ARHGAP31: variants seen among roughly 807,000 people sequenced by gnomAD.
ARHGAP31 encodes Rho GTPase activating protein 31.
Under a neutral mutation model 113.9 loss-of-function variants are expected in ARHGAP31, and 34 were observed. That is an observed-to-expected ratio of 0.30 (90% CI 0.23 to 0.40). The LOEUF is 0.40. Among genes scored for constraint, ARHGAP31 ranks in the 10% least tolerant of loss-of-function variants. The probability of loss-of-function intolerance (pLI) is 1.00; values close to 1 mark genes in which losing one functional copy is unlikely to be tolerated. For synonymous variants in ARHGAP31, 650 were observed against 684.8 expected (o/e 0.95, Z 0.79); for missense variants, 1,548 against 1,767.1 (o/e 0.88, Z 2.22).
chr3:119,326,722 A>G (rs2089724766), intron 1 of ARHGAP31, among the ~76,000 whole-genome samples: 4 of 152,236 alleles, frequency 2.6e-5, no homozygotes, highest in Non-Finnish European at 5.9e-5. Context: ...TTTGCCACAC[A>G]TGATGCTAAG....
chr3:119,311,075 G>A (rs181854033), intron 1 of ARHGAP31, among the ~76,000 whole-genome samples: 74 of 152,218 alleles, frequency 4.9e-4, no homozygotes, highest in Non-Finnish European at 5.0e-4. Flanking sequence ...TCCCCATCAC[G>A]CCTGTCCGTT....
At chr3:119,382,971 T>A (rs2080414911) in intron 5 of ARHGAP31, 113 bp from the exon 6 acceptor site, 1 of 1,333,204 alleles carries the variant, frequency 7.5e-7, no homozygotes, top group Non-Finnish European at 1.1e-6. Flanking sequence ...AAATATTCTA[T>A]GAACTGTATC....
intron 1 of ARHGAP31, among the ~76,000 whole-genome samples, chr3:119,336,350 A>T (rs2079946972): frequency 6.6e-6 from 1 of 152,274 alleles, no homozygotes; most frequent in South Asian, 2.1e-4. Flanking sequence ...TTCTCTACAT[A>T]TAAGCAATTT....
chr3:119,320,517 T>G (rs1343427388), intron 1 of ARHGAP31, among the ~76,000 whole-genome samples: 1 of 152,204 alleles, frequency 6.6e-6, no homozygotes, highest in Non-Finnish European at 1.5e-5. Context: ...ATTATCCTGA[T>G]AAATACAGTA....
intron 1 of ARHGAP31, among the ~76,000 whole-genome samples, chr3:119,318,019 T>C (rs773829169): frequency 7.2e-5 from 11 of 151,956 alleles, no homozygotes; most frequent in Non-Finnish European, 1.0e-4. Context: ...AAATAGATGG[T>C]CTGAAGGATT....
At chr3:119,367,865 GAA>G (rs1421774014) in intron 2 of ARHGAP31, among the ~76,000 whole-genome samples, 1 of 111,048 alleles carries the variant, frequency 9.0e-6, no homozygotes, top group African/African-American at 3.2e-5. Flanking sequence ...TCAAAAAAAA[GAA>G]AAAAAAAAAA....
At chr3:119,301,443 G>T (rs7627485) in intron 1 of ARHGAP31, among the ~76,000 whole-genome samples, 1 of 152,156 alleles carries the variant, frequency 6.6e-6, no homozygotes, top group Non-Finnish European at 1.5e-5. Context: ...TGCTGTAAGC[G>T]GTGGACACAC....
intron 1 of ARHGAP31, among the ~76,000 whole-genome samples, chr3:119,357,523 G>T (rs1404187927): frequency 6.6e-6 from 1 of 152,142 alleles, no homozygotes; most frequent in East Asian, 1.9e-4. Context: ...TCAAATCTCA[G>T]TTTTTAAAAG....
Position 119,393,527 on chromosome 3 carries a change from A to T in ARHGAP31, c.942A>T (p.Gly314=). 1 of 1,614,162 alleles carries T rather than the reference A, an allele frequency of 6.2e-7. No homozygotes were observed. Among genetic ancestry groups the T allele is most frequent in the South Asian group, 1.1e-5 (1 of 91,084 alleles). ...CAATATTTAACCTGGGACGTTCTGG[A>T]TCAGACTCCAAATCAAAACTGAGTA... The part of the protein sequence containing the change: ...WKSIFNLGRS[G]SDSKSKLSRN... The change falls in exon 8 of 12, where the codon GGA becomes GGT. Residue 314 remains glycine (G), a synonymous_variant. Transcript: ENST00000264245.
rs1331699048 is a variant in ARHGAP31 at position 119,368,459 on chromosome 3, C to G, written c.291C>G (p.Leu97=). 3.1e-6 allele frequency: 5 copies of G among 1,614,114 alleles called. No homozygotes were observed. The highest frequency in any genetic ancestry group is 4.2e-6 in the Non-Finnish European group (5 of 1,180,008). Residue 97 remains leucine (L), a synonymous_variant, in exon 3 of 12, where the codon CTC becomes CTG. Coordinates refer to ENST00000264245, the MANE Select transcript of ARHGAP31 (RefSeq NM_020754.4). The part of the protein sequence containing the change: ...DIHCVGSLCK[L]YFRELPNPLL... ...ACTGTGTGGGCTCGCTTTGCAAGCT[C>G]TACTTTAGGGAGCTGCCCAACCCCC...
At chr3:119,389,591 C>G (rs938858923) in intron 6 of ARHGAP31, among the ~76,000 whole-genome samples, 1 of 152,174 alleles carries the variant, frequency 6.6e-6, no homozygotes. Flanking sequence ...TCCCCAGAAA[C>G]ACCCCATTGT....
At chr3:119,356,032 A>G (rs574515326) in intron 1 of ARHGAP31, among the ~76,000 whole-genome samples, 2 of 152,364 alleles carry the variant, frequency 1.3e-5, no homozygotes, top group African/African-American at 4.8e-5. Flanking sequence ...TGAATCAGAA[A>G]CAAGCAACAC....
chr3:119,323,588 C>A (rs765190142), intron 1 of ARHGAP31, among the ~76,000 whole-genome samples: 1 of 152,020 alleles, frequency 6.6e-6, no homozygotes, highest in Non-Finnish European at 1.5e-5. Flanking sequence ...AACTGAGGGA[C>A]ATTGTTTCAG....
intron 1 of ARHGAP31, among the ~76,000 whole-genome samples, chr3:119,337,564 CCCACCCACAT>C (rs2079968693): frequency 6.6e-6 from 1 of 152,188 alleles, no homozygotes; most frequent in Non-Finnish European, 1.5e-5. Flanking sequence ...CTTATTTGGC[CCCACCCACAT>C]CCTGCTGATT....
intron 1 of ARHGAP31, among the ~76,000 whole-genome samples, chr3:119,343,278 G>T (rs2080025374): frequency 6.6e-6 from 1 of 152,108 alleles, no homozygotes; most frequent in Admixed American, 6.5e-5. Flanking sequence ...AGAGAGACTG[G>T]GCTTAAATAC....
chr3:119,300,842 AAAAGAAAG>A (rs543721008), intron 1 of ARHGAP31, among the ~76,000 whole-genome samples: 12,489 of 138,666 alleles, frequency 0.09, 685 homozygotes, highest in Admixed American at 0.17. Context: ...AAAAAAAAAA[AAAAGAAAG>A]AAAGAAAGAA....
intron 4 of ARHGAP31, among the ~76,000 whole-genome samples, chr3:119,381,876 G>C (rs931809593): frequency 2.6e-4 from 39 of 152,100 alleles, no homozygotes; most frequent in African/African-American, 8.7e-4. Flanking sequence ...GTTCCAGCTA[G>C]TGGGGAGGAT....
chr3:119,336,972 G>A (rs1434036766), intron 1 of ARHGAP31, among the ~76,000 whole-genome samples: 3 of 152,166 alleles, frequency 2.0e-5, no homozygotes, highest in African/African-American at 7.2e-5. Context: ...CCACATTAAA[G>A]CTTATGTTAG....
intron 1 of ARHGAP31, among the ~76,000 whole-genome samples, chr3:119,336,916 CTTT>C (rs1169084415): frequency 6.6e-6 from 1 of 152,196 alleles, no homozygotes; most frequent in Non-Finnish European, 1.5e-5. Flanking sequence ...AATCATCTGG[CTTT>C]TTGTTTCTGG....
Sources: allele counts gnomAD v4.1 joint callset (sites outside exome capture counted in the v4.1 genomes callset), GRCh38; gene constraint gnomAD v4.1.1; transcripts MANE v1.5; gene names NCBI Gene and HGNC (gene_info 2026-07-23, HGNC 2026-07-21).